Variants in AIMP1 observed in about 807,000 individuals in gnomAD.
AIMP1 encodes the protein aminoacyl tRNA synthetase complex interacting multifunctional protein 1, also known as aminoacyl tRNA synthase complex-interacting multifunctional protein 1.
AIMP1 carries 24 observed loss-of-function variants against 33.1 expected under a neutral mutation model. That is an observed-to-expected ratio of 0.73 (90% CI 0.53 to 1.02). The LOEUF is 1.02. Ranked by LOEUF, AIMP1 falls within the 50% of genes least tolerant of loss-of-function variation. The pLI, the probability that AIMP1 is intolerant of heterozygous loss-of-function variation, is 0.00. For synonymous variants in AIMP1, 120 were observed against 121.5 expected (o/e 0.99, Z 0.08); for missense variants, 367 against 364.8 (o/e 1.01, Z -0.05).
Position 106,325,123 on chromosome 4 carries a change from GAAAATTT to G in AIMP1, c.109+13_109+19del, listed in dbSNP as rs777118268. 25 of 1,608,034 alleles carry G rather than the reference GAAAATTT, an allele frequency of 1.6e-5. No individual in the cohort carries two copies. In the Admixed American group the frequency reaches 3.7e-4, roughly 24 times the overall value. On this transcript the variant is annotated splice_donor_region_variant and intron_variant, in intron 2 of 6. Coordinates refer to ENST00000672341, the MANE Select transcript of AIMP1 (RefSeq NM_001142416.2). ...CTCTACTTAAGGAGAAAGCAAGTAA[GAAAATTT>G]AAAATTTTTTGAGGAGATACTTAAA...
chr4:106,347,465 C>A, intron 6 of AIMP1, 61 bp from the exon 7 acceptor site: 1 of 1,467,530 alleles, frequency 6.8e-7, no homozygotes, highest in Non-Finnish European at 9.2e-7. Flanking sequence ...TGTGAATAGT[C>A]TCTTTAATAT....
At chr4:106,329,701 A>G (rs1417262768) in intron 4 of AIMP1, among the ~76,000 whole-genome samples, 3 of 148,218 alleles carry the variant, frequency 2.0e-5, no homozygotes, top group Non-Finnish European at 4.5e-5. Context: ...TTTAGCTGCT[A>G]GCTAGGACTG....
intron 6 of AIMP1, 47 bp from the exon 7 acceptor site, chr4:106,347,479 T>C: frequency 6.5e-7 from 1 of 1,541,582 alleles, no homozygotes; most frequent in South Asian, 1.2e-5. Flanking sequence ...TTAATATTTT[T>C]GTATATTAGC....
intron 6 of AIMP1, among the ~76,000 whole-genome samples, chr4:106,343,214 G>A (rs1486220208): frequency 6.6e-6 from 1 of 152,168 alleles, no homozygotes; most frequent in African/African-American, 2.4e-5. Flanking sequence ...TGTGCAAAGA[G>A]ATGTTTTTAA....
chr4:106,337,024 T>C lies in AIMP1; in HGVS notation c.759T>C (p.Phe253=), dbSNP rs1348737652. Residue 253 remains phenylalanine, a synonymous_variant, in exon 6 of 7, where the codon TTT becomes TTC. Transcript: ENST00000672341. ...NGSVPGDRIT[F]DAFPGEPDKE... ...CTGTTCCTGGAGACAGAATTACTTT[T>C]GATGCTTTCCCAGGTAGGTATTTAT... 1.2e-6 allele frequency: 2 copies of C among 1,613,936 alleles called. No homozygotes were observed. Among genetic ancestry groups the C allele is most frequent in the Non-Finnish European group, 1.7e-6 (2 of 1,179,938 alleles).
At chr4:106,328,390 T>C in intron 4 of AIMP1, 147 bp downstream of exon 4, 1 of 1,098,584 alleles carries the variant, frequency 9.1e-7, no homozygotes, top group Non-Finnish European at 1.3e-6. Flanking sequence ...TATTGGAACA[T>C]AAAAGCTGGG....
chr4:106,347,857 C>A lies in AIMP1; in HGVS notation c.*165C>A. 1 of 643,132 alleles carries A rather than the reference C, an allele frequency of 1.6e-6. No individual in the cohort carries two copies. Among genetic ancestry groups the A allele is most frequent in the Non-Finnish European group, 2.5e-6 (1 of 404,830 alleles). The allele number at this position is 643,132 out of a possible 1,614,324, so 39.8% of individuals were successfully genotyped here. On this transcript the variant is annotated 3_prime_UTR_variant, in exon 7 of 7. Coordinates refer to ENST00000672341, the MANE Select transcript of AIMP1 (RefSeq NM_001142416.2). ...ATATTGTTTTCATTGATTGGGGAAA[C>A]ACTAGATTTTTACCTCGGTTTTTGA... is the stretch of plus-strand genomic sequence containing the variant.
upstream of AIMP1, chr4:106,316,442 A>T: frequency 8.9e-7 from 1 of 1,128,212 alleles, no homozygotes. Context: ...GCACAGGAAG[A>T]GGAAGAAAGA....
At position 106,325,051 on chromosome 4, in the gene AIMP1, G is replaced by T. The variant is rs749641416; in HGVS notation, c.42G>T (p.Lys14Asn). The T allele has an allele frequency of 1.9e-6, 3 of 1,612,924 alleles. No homozygotes were observed. Among genetic ancestry groups the T allele is most frequent in the Non-Finnish European group, 2.5e-6 (3 of 1,179,290 alleles). The change falls in exon 2 of 7, where the codon AAG becomes AAT. Residue 14 changes from lysine (K) to asparagine (N), a missense_variant. Coordinates refer to ENST00000672341, the MANE Select transcript of AIMP1 (RefSeq NM_001142416.2). ...CTGTTCTGAAGAGACTGGAGCAGAA[G>T]GGTGCAGAGGCAGATCAAATCATTG... Reference protein sequence around the residue: ...NDAVLKRLEQKGAEADQIIEY... With the variant: ...NDAVLKRLEQNGAEADQIIEY...
intron 6 of AIMP1, 55 bp from the exon 7 acceptor site, chr4:106,347,471 A>T: frequency 6.6e-7 from 1 of 1,515,666 alleles, no homozygotes; most frequent in Non-Finnish European, 9.0e-7. Flanking sequence ...TAGTCTCTTT[A>T]ATATTTTTGT....
intron 6 of AIMP1, among the ~76,000 whole-genome samples, chr4:106,346,162 A>G (rs1158297112): frequency 6.6e-6 from 1 of 152,030 alleles, no homozygotes; most frequent in South Asian, 2.1e-4. Context: ...ATTCTCAGCT[A>G]TTGAACTTAT....
intron 4 of AIMP1, among the ~76,000 whole-genome samples, chr4:106,329,214 G>T (rs1192760350): frequency 6.6e-6 from 1 of 152,020 alleles, no homozygotes; most frequent in African/African-American, 2.4e-5. Context: ...ACCACTAGGT[G>T]GTATGATTAC....
In AIMP1 at chr4:106,328,210, G is replaced by T; in HGVS notation, c.358G>T (p.Glu120Ter). ...KEQIKGGTGD[E>*]KKAKEKIEKK... is the part of the protein sequence containing the mutation. ...ACAGATAAAAGGAGGAACAGGAGAC[G>T]AAAAGAAAGCGAAAGAGAAAATTGA... Residue 120 changes from glutamate to a stop codon, truncating the protein, a stop_gained, in exon 4 of 7, where the codon GAA (glutamate) becomes TAA (stop). Transcript: ENST00000672341. LOFTEE classifies it high-confidence loss of function. The T allele has an allele frequency of 6.2e-7, 1 of 1,611,342 alleles. No homozygotes were observed. Among genetic ancestry groups the T allele is most frequent in the Non-Finnish European group, 8.5e-7 (1 of 1,178,076 alleles).
chr4:106,315,988 G>C (rs929439330), upstream of AIMP1: 8 of 152,736 alleles, frequency 5.2e-5, no homozygotes, highest in South Asian at 2.0e-4. Flanking sequence ...CTTCTACACA[G>C]GGCCCCAGCG....
chr4:106,329,650 A>T (rs898321689), intron 4 of AIMP1, among the ~76,000 whole-genome samples: 3 of 152,058 alleles, frequency 2.0e-5, no homozygotes, highest in African/African-American at 7.2e-5. Flanking sequence ...GGCAGCTACC[A>T]TATTAGACAG....
intron 1 of AIMP1, among the ~76,000 whole-genome samples, chr4:106,321,754 A>G (rs1039805714): frequency 1.2e-4 from 19 of 152,238 alleles, no homozygotes; most frequent in Non-Finnish European, 2.8e-4. Context: ...GTCGAATAGA[A>G]AAGGGGGAAA....
chr4:106,319,310 T>G (rs759533450), intron 1 of AIMP1, among the ~76,000 whole-genome samples: 1 of 152,128 alleles, frequency 6.6e-6, no homozygotes, highest in Non-Finnish European at 1.5e-5. Context: ...CTGAGGAAAT[T>G]GCTCAGTAAA....
intron 6 of AIMP1, among the ~76,000 whole-genome samples, chr4:106,344,244 G>A (rs1770209586): frequency 6.6e-6 from 1 of 151,784 alleles, no homozygotes; most frequent in African/African-American, 2.4e-5. Flanking sequence ...TTATTCCTTT[G>A]GCAATTTTAC....
chr4:106,316,297 C>G (rs114717819), upstream of AIMP1: 12,143 of 450,212 alleles, frequency 0.027, 245 homozygotes, highest in Non-Finnish European at 0.035. Context: ...GGTGTCCTTC[C>G]CCTTGCCCAA....
Sources: allele counts gnomAD v4.1 joint callset (sites outside exome capture counted in the v4.1 genomes callset), GRCh38; gene constraint gnomAD v4.1.1; transcripts MANE v1.5; gene names NCBI Gene and HGNC (gene_info 2026-07-23, HGNC 2026-07-21).